Variants in MYH15 observed in about 807,000 individuals in gnomAD.
MYH15 encodes the protein myosin heavy chain 15, also known as myosin-15.
Under a neutral mutation model 240.5 loss-of-function variants are expected in MYH15, and 227 were observed. The ratio of observed to expected loss-of-function variants is 0.94; its 90% CI spans 0.85 to 1.05. MYH15 has a LOEUF of 1.05. Among genes scored for constraint, MYH15 ranks in the 50% least tolerant of loss-of-function variants. The probability of loss-of-function intolerance (pLI) is 0.00; values close to 1 mark genes in which losing one functional copy is unlikely to be tolerated. For synonymous variants in MYH15, 785 were observed against 796.7 expected (o/e 0.99, Z 0.25); for missense variants, 2,217 against 2,247.5 (o/e 0.99, Z 0.27).
At chr3:108,439,409 G>T (rs955555304) in intron 24 of MYH15, among the ~76,000 whole-genome samples, 1 of 152,084 alleles carries the variant, frequency 6.6e-6, no homozygotes, top group African/African-American at 2.4e-5. Flanking sequence ...ATATCTGTGG[G>T]GCAAAATACC....
At chr3:108,456,189 G>A (rs2083018109) in intron 19 of MYH15, among the ~76,000 whole-genome samples, 1 of 152,162 alleles carries the variant, frequency 6.6e-6, no homozygotes, top group Admixed American at 6.6e-5. Flanking sequence ...GAAAAGCAGA[G>A]ACATTAAATG....
At chr3:108,483,354 T>C (rs2083281607) in intron 11 of MYH15, among the ~76,000 whole-genome samples, 1 of 150,612 alleles carries the variant, frequency 6.6e-6, no homozygotes, top group Non-Finnish European at 1.5e-5. Context: ...CACCAATCAG[T>C]AGGGAAATGC....
Position 108,454,037 on chromosome 3 carries a change from G to T in MYH15, c.2368C>A (p.Arg790=). 1 of 1,611,132 alleles carries T rather than the reference G, an allele frequency of 6.2e-7. No homozygotes were observed. Among genetic ancestry groups the T allele is most frequent in the Non-Finnish European group, 8.5e-7 (1 of 1,177,974 alleles). The change falls in exon 21 of 41, where the codon CGA becomes AGA. Residue 790 remains arginine, a synonymous_variant. Transcript: ENST00000693548. The part of the protein sequence containing the change: ...FQARAQGKLM[R]IKFQKILEER... ...TCCAGAATCTTCTGGAATTTGATTC[G>T]CATCAGTTTGCCCTGTGCTCTGGCT...
At chr3:108,426,128 A>C (rs2082722762) in intron 27 of MYH15, among the ~76,000 whole-genome samples, 1 of 152,092 alleles carries the variant, frequency 6.6e-6, no homozygotes, top group Non-Finnish European at 1.5e-5. Context: ...GAAATGTATA[A>C]TCAAAGAGAA....
In MYH15 at chr3:108,414,416, G is replaced by A. The variant is rs2082618473; in HGVS notation, c.3961C>T (p.Leu1321=). 1 of 1,613,772 alleles carries A rather than the reference G, an allele frequency of 6.2e-7. No individual in the cohort carries two copies. The highest frequency in any genetic ancestry group is 1.3e-5 in the African/African-American group (1 of 74,904). Residue 1321 remains leucine, a synonymous_variant, in exon 30 of 41, where the codon CTG becomes TTG. Transcript: ENST00000693548. The part of the protein sequence containing the change: ...LEKETKSQSA[L]AHALQKAQRD... ...TGAGCCTTCTGCAGGGCATGGGCCA[G>A]GGCACTCTGGGACTGTAGGGGACAC...
upstream of MYH15, among the ~76,000 whole-genome samples, chr3:108,512,509 T>C (rs995236277): frequency 6.6e-6 from 1 of 152,160 alleles, no homozygotes; most frequent in Admixed American, 6.5e-5. Flanking sequence ...GCTTGGGAAG[T>C]ATATTTGGAA....
intron 35 of MYH15, among the ~76,000 whole-genome samples, chr3:108,397,033 G>A (rs1228855747): frequency 6.6e-6 from 1 of 152,162 alleles, no homozygotes; most frequent in East Asian, 1.9e-4. Flanking sequence ...TCCCACAGAT[G>A]TTTCTAAATG....
chr3:108,486,098 T>TA (rs1392490603), intron 10 of MYH15, among the ~76,000 whole-genome samples: 1 of 152,090 alleles, frequency 6.6e-6, no homozygotes, highest in African/African-American at 2.4e-5. Flanking sequence ...AGTCTTTTGG[T>TA]AAAAAACAAA....
At chr3:108,404,834 T>A (rs1385338797) in intron 33 of MYH15, 2 of 150,390 alleles carry the variant, frequency 1.3e-5, no homozygotes, top group African/African-American at 5.0e-5. Context: ...TTTAATTTTT[T>A]AATTTTTTTC....
At chr3:108,475,818 G>A (rs760746938) in intron 12 of MYH15, among the ~76,000 whole-genome samples, 5 of 152,020 alleles carry the variant, frequency 3.3e-5, no homozygotes, top group Non-Finnish European at 7.4e-5. Context: ...AGTGGCCCTG[G>A]GAATATTTAC....
chr3:108,539,691 C>T, the MYH15 span, among the ~76,000 whole-genome samples: 1 of 151,994 alleles, frequency 6.6e-6, no homozygotes, highest in Admixed American at 6.6e-5. Context: ...ATATGCAAAA[C>T]AAATACCTGG....
At chr3:108,398,942 T>A (rs372880170) in intron 34 of MYH15, 102 bp from the exon 35 acceptor site, 1 of 1,445,788 alleles carries the variant, frequency 6.9e-7, no homozygotes, top group African/African-American at 1.4e-5. Flanking sequence ...GACATAAGCA[T>A]GCTCCTTCTC....
intron 16 of MYH15, among the ~76,000 whole-genome samples, chr3:108,461,434 C>T (rs1032228976): frequency 3.3e-5 from 5 of 152,014 alleles, no homozygotes; most frequent in Admixed American, 1.3e-4. Context: ...TGTTCAGATC[C>T]GTCAGAAACT....
At chr3:108,417,057 G>C in intron 28 of MYH15, 127 bp from the exon 29 acceptor site, 1 of 694,362 alleles carries the variant, frequency 1.4e-6, no homozygotes, top group Non-Finnish European at 2.5e-6. Context: ...TTTAGGAAGG[G>C]TCTGAGAGTC....
At chr3:108,493,021 A>AAAAG (rs2083364237) in intron 8 of MYH15, 93 bp downstream of exon 8, 3 of 333,886 alleles carry the variant, frequency 9.0e-6, no homozygotes, top group Middle Eastern at 7.4e-4. Flanking sequence ...AAGAAAGAAG[A>AAAAG]AAAGGAAGGA....
intron 6 of MYH15, among the ~76,000 whole-genome samples, chr3:108,497,260 T>C (rs560788533): frequency 6.6e-6 from 1 of 151,406 alleles, no homozygotes; most frequent in Non-Finnish European, 1.5e-5. Context: ...ACTTCTATAG[T>C]TTAAAAATTA....
At chr3:108,547,094 T>C in the MYH15 span, among the ~76,000 whole-genome samples, 1 of 151,956 alleles carries the variant, frequency 6.6e-6, no homozygotes, top group East Asian at 1.9e-4. Flanking sequence ...TATATATATA[T>C]ATGTCTGAGG....
At chr3:108,399,421 T>TA (rs1240776409) in intron 33 of MYH15, among the ~76,000 whole-genome samples, 154 bp from the exon 34 acceptor site, 1 of 152,216 alleles carries the variant, frequency 6.6e-6, no homozygotes, top group Non-Finnish European at 1.5e-5. Context: ...GCTTTTATTT[T>TA]AAAAACAGAG....
chr3:108,451,599 G>C (rs1171653673), intron 21 of MYH15, among the ~76,000 whole-genome samples: 1 of 152,062 alleles, frequency 6.6e-6, no homozygotes, highest in African/African-American at 2.4e-5. Flanking sequence ...GTCTACCAAA[G>C]ATTCAAAGAC....
Sources: allele counts gnomAD v4.1 joint callset (sites outside exome capture counted in the v4.1 genomes callset), GRCh38; gene constraint gnomAD v4.1.1; transcripts MANE v1.5; gene names NCBI Gene and HGNC (gene_info 2026-07-23, HGNC 2026-07-21).